The following CDH13 variants were observed in gnomAD, a reference collection of about 807,000 sequenced individuals.
CDH13 encodes cadherin 13, also known as cadherin-13.
A neutral mutation model predicts 63.8 loss-of-function variants in CDH13; 24 were observed. That is an observed-to-expected ratio of 0.38 (90% CI 0.27 to 0.53). The LOEUF is 0.53. Among genes scored for constraint, CDH13 ranks in the 20% least tolerant of loss-of-function variants. CDH13 has a pLI of 0.85. For synonymous variants in CDH13, 503 were observed against 355.3 expected (o/e 1.42, Z -4.67); for missense variants, 1,049 against 903.1 (o/e 1.16, Z -2.07).
intron 7 of CDH13, among the ~76,000 whole-genome samples, chr16:83,576,013 A>G (rs1220153375): frequency 7.9e-5 from 12 of 152,248 alleles, no homozygotes; most frequent in African/African-American, 1.9e-4. Flanking sequence ...TAAAATTCAC[A>G]TAACATGAAA....
chr16:82,664,057 G>A (rs1397216688), intron 1 of CDH13, among the ~76,000 whole-genome samples: 2 of 152,164 alleles, frequency 1.3e-5, no homozygotes, highest in East Asian at 1.9e-4. Context: ...CTTATTCTGC[G>A]GAAATATTAC....
At chr16:83,077,306 C>G (rs949110520) in intron 3 of CDH13, among the ~76,000 whole-genome samples, 35 of 138,944 alleles carry the variant, frequency 2.5e-4, no homozygotes, top group Middle Eastern at 4.2e-3. Flanking sequence ...ATTCTTGTGT[C>G]TCAGCCTTCT....
chr16:83,412,518 T>A (rs1460654339), intron 6 of CDH13, among the ~76,000 whole-genome samples: 1 of 152,218 alleles, frequency 6.6e-6, no homozygotes, highest in Non-Finnish European at 1.5e-5. Flanking sequence ...CAGAGGTTTT[T>A]GAGAGTCAGG....
chr16:82,967,228 T>C (rs926007833), intron 2 of CDH13, among the ~76,000 whole-genome samples: 113 of 152,282 alleles, frequency 7.4e-4, no homozygotes, highest in African/African-American at 2.6e-3. Context: ...CCCATGGCTT[T>C]ACCCCATCAC....
chr16:83,146,000 C>T (rs1414436954), intron 4 of CDH13, among the ~76,000 whole-genome samples: 2 of 152,072 alleles, frequency 1.3e-5, no homozygotes, highest in African/African-American at 2.4e-5. Context: ...TCGGGACCAA[C>T]CTGGCCAACT....
chr16:83,142,450 C>T (rs2036575135), intron 4 of CDH13, among the ~76,000 whole-genome samples: 1 of 152,124 alleles, frequency 6.6e-6, no homozygotes, highest in African/African-American at 2.4e-5. Context: ...GCCACAGTGC[C>T]TGGTTGCCTT....
intron 7 of CDH13, among the ~76,000 whole-genome samples, chr16:83,502,485 C>CTGAA (rs1474193638): frequency 6.6e-6 from 1 of 152,066 alleles, no homozygotes; most frequent in African/African-American, 2.4e-5. Context: ...GACTCCTGTC[C>CTGAA]TGAAGTGTAA....
intron 3 of CDH13, among the ~76,000 whole-genome samples, chr16:83,076,184 G>A (rs192793907): frequency 4.6e-5 from 7 of 152,156 alleles, no homozygotes; most frequent in Non-Finnish European, 2.9e-5. Flanking sequence ...GCATGACCAG[G>A]CTTTTTTACT....
In CDH13 at chr16:82,721,934, C is replaced by A. The variant is rs139180783; in HGVS notation, c.45+94797C>A. On this transcript the variant is annotated intron_variant, in intron 1 of 13. Transcript: ENST00000567109. ...GAATGGAAGGACCTGATGTGCTTTC[C>A]TGAAATGTAGTTGGGGCGTGTCACA... 5.2e-3 allele frequency among the ~76,000 whole-genome samples: 792 copies of A among 152,112 alleles called. 4 individuals are homozygous for A. The highest frequency in any genetic ancestry group is 0.02 in the Middle Eastern group (6 of 294).
At chr16:83,184,058 T>G (rs1394187720) in intron 4 of CDH13, among the ~76,000 whole-genome samples, 1 of 147,812 alleles carries the variant, frequency 6.8e-6, no homozygotes, top group Non-Finnish European at 1.5e-5. Flanking sequence ...ATGTTGCCAT[T>G]GGTCAGCCAT....
intron 4 of CDH13, among the ~76,000 whole-genome samples, chr16:83,154,905 T>A (rs2037143405): frequency 1.3e-5 from 2 of 152,250 alleles, no homozygotes; most frequent in South Asian, 4.1e-4. Context: ...AAGTGGTTCT[T>A]GCAATCTTGA....
At chr16:83,088,315 G>A (rs2033716246) in intron 3 of CDH13, among the ~76,000 whole-genome samples, 1 of 152,150 alleles carries the variant, frequency 6.6e-6, no homozygotes, top group Non-Finnish European at 1.5e-5. Context: ...AACTCACAGA[G>A]CTATGAGTTT....
intron 5 of CDH13, among the ~76,000 whole-genome samples, chr16:83,230,133 A>T: frequency 6.6e-6 from 1 of 152,174 alleles, no homozygotes; most frequent in Non-Finnish European, 1.5e-5. Flanking sequence ...GGCAGCTGGC[A>T]TTTCACAATT....
intron 2 of CDH13, among the ~76,000 whole-genome samples, chr16:82,995,810 C>T (rs1410040237): frequency 2.0e-5 from 3 of 152,104 alleles, no homozygotes; most frequent in East Asian, 1.9e-4. Context: ...ACAGGGATCA[C>T]GCTGCATCCA....
At chr16:83,788,928 C>A (rs183995757) in intron 13 of CDH13, among the ~76,000 whole-genome samples, 4 of 152,080 alleles carry the variant, frequency 2.6e-5, no homozygotes, top group African/African-American at 9.7e-5. Flanking sequence ...TTTCAGCCCC[C>A]AAAAAACAGT....
At chr16:83,148,012 C>T (rs1327706863) in intron 4 of CDH13, among the ~76,000 whole-genome samples, 1 of 152,146 alleles carries the variant, frequency 6.6e-6, no homozygotes, top group African/African-American at 2.4e-5. Context: ...TTGCTTAATG[C>T]AACCTCAGCC....
At chr16:83,133,843 T>C (rs185841836) in intron 4 of CDH13, among the ~76,000 whole-genome samples, 1 of 152,318 alleles carries the variant, frequency 6.6e-6, no homozygotes, top group East Asian at 1.9e-4. Flanking sequence ...TTATACATCT[T>C]TGATGGCACT....
intron 11 of CDH13, among the ~76,000 whole-genome samples, chr16:83,774,108 G>T (rs749133801): frequency 1.4e-4 from 22 of 152,108 alleles, no homozygotes; most frequent in African/African-American, 2.2e-4. Context: ...TTCGGCTACT[G>T]AGCTATTCGT....
intron 10 of CDH13, among the ~76,000 whole-genome samples, chr16:83,716,772 G>A (rs1006071363): frequency 6.6e-6 from 1 of 152,188 alleles, no homozygotes; most frequent in South Asian, 2.1e-4. Flanking sequence ...ATGAGCCACC[G>A]CACCCGCCCT....
Sources: gnomAD v4.1 joint callset for allele counts (sites outside exome capture counted in the v4.1 genomes callset) on GRCh38, gnomAD v4.1.1 for gene constraint, MANE v1.5 for transcripts, NCBI Gene and HGNC (gene_info 2026-07-23, HGNC 2026-07-21) for gene names.